Variants in PHLDB2 observed in about 807,000 individuals in gnomAD.
PHLDB2 encodes pleckstrin homology-like domain family B member 2.
Under a neutral mutation model 123.6 loss-of-function variants are expected in PHLDB2, and 71 were observed. The observed-to-expected ratio is 0.57, with a 90% CI of 0.47 to 0.70. PHLDB2 has a LOEUF of 0.70. Among genes scored for constraint, PHLDB2 ranks in the 30% least tolerant of loss-of-function variants. PHLDB2 has a pLI of 0.00. For synonymous variants in PHLDB2, 547 were observed against 541.6 expected (o/e 1.01, Z -0.14); for missense variants, 1,446 against 1,519.5 (o/e 0.95, Z 0.80).
chr3:111,807,728 C>G (rs1376077570), intron 1 of PHLDB2, among the ~76,000 whole-genome samples: 1 of 151,936 alleles, frequency 6.6e-6, no homozygotes, highest in African/African-American at 2.4e-5. Context: ...CACTGCACTA[C>G]AGCCTGGGCG....
At chr3:111,945,826 G>C (rs1369102698) in intron 9 of PHLDB2, among the ~76,000 whole-genome samples, 1 of 151,374 alleles carries the variant, frequency 6.6e-6, no homozygotes, top group Non-Finnish European at 1.5e-5. Flanking sequence ...CCCCACCCCC[G>C]CAACTGTTGT....
intron 1 of PHLDB2, among the ~76,000 whole-genome samples, chr3:111,874,677 A>G (rs187507770): frequency 7.9e-5 from 12 of 152,320 alleles, no homozygotes; most frequent in Non-Finnish European, 1.6e-4. Context: ...TGATCAAAGC[A>G]AGGGACATAG....
intron 11 of PHLDB2, among the ~76,000 whole-genome samples, chr3:111,953,520 G>A (rs768685909): frequency 3.3e-5 from 5 of 152,152 alleles, no homozygotes; most frequent in African/African-American, 4.8e-5. Context: ...TCAACCCACC[G>A]CATAACAGGG....
intron 1 of PHLDB2, among the ~76,000 whole-genome samples, chr3:111,769,662 A>G (rs1289306597): frequency 6.6e-6 from 1 of 152,244 alleles, no homozygotes; most frequent in Non-Finnish European, 1.5e-5. Context: ...TTCCAGGTCT[A>G]AAAGTGCACT....
intron 15 of PHLDB2, 69 bp from the exon 16 acceptor site, chr3:111,969,621 C>G (rs2072038630): frequency 3.1e-6 from 4 of 1,294,410 alleles, no homozygotes; most frequent in African/African-American, 3.0e-5. Context: ...ATTTCTGCTT[C>G]TAAACATCTG....
At chr3:111,781,047 C>A (rs2060455087) in intron 1 of PHLDB2, among the ~76,000 whole-genome samples, 1 of 151,992 alleles carries the variant, frequency 6.6e-6, no homozygotes, top group South Asian at 2.1e-4. Context: ...AGAATGTTTT[C>A]TTTTGCATTA....
At chr3:111,801,327 A>G (rs971642350) in intron 1 of PHLDB2, among the ~76,000 whole-genome samples, 1 of 152,136 alleles carries the variant, frequency 6.6e-6, no homozygotes, top group African/African-American at 2.4e-5. Flanking sequence ...TCCCTCCTCT[A>G]ATCTAAGTTT....
chr3:111,751,860 AAG>A, intron 1 of PHLDB2, among the ~76,000 whole-genome samples: 1 of 152,154 alleles, frequency 6.6e-6, no homozygotes, highest in South Asian at 2.1e-4. Context: ...TTTTTTAAAA[AAG>A]AGAGATTTTG....
chr3:111,795,381 C>T (rs1003918917), intron 1 of PHLDB2, among the ~76,000 whole-genome samples: 5 of 152,066 alleles, frequency 3.3e-5, no homozygotes, highest in African/African-American at 1.2e-4. Flanking sequence ...GACCTATGGT[C>T]CATTTGAATG....
rs778141959 is a variant in PHLDB2 at position 111,884,151 on chromosome 3, A to C, written c.74A>C (p.His25Pro). 1.2e-6 allele frequency: 2 copies of C among 1,614,208 alleles called. No homozygotes were observed. The highest frequency in any genetic ancestry group is 2.2e-5 in the East Asian group (1 of 44,880). ...NGSLEEDSVV[H>P]SVENDSQNMM... ...AGCTTAGAGGAAGACTCTGTGGTGCATTCTGTTGAGAACGATTCCCAAAAC... is the reference window on the plus strand; with the variant it reads ...AGCTTAGAGGAAGACTCTGTGGTGCCTTCTGTTGAGAACGATTCCCAAAAC... The change falls in exon 2 of 18, where the codon CAT (histidine) becomes CCT (proline). Residue 25 changes from histidine to proline, a missense_variant. His to Pro is a moderately conservative substitution (Grantham distance 77, BLOSUM62 -2). Transcript: ENST00000431670.
Position 111,913,469 on chromosome 3 carries a change from G to A in PHLDB2, c.1486G>A (p.Glu496Lys). Residue 496 changes from glutamate to lysine, a missense_variant, in exon 3 of 18, where the codon GAG (glutamate) becomes AAG (lysine). Physicochemically the swap from Glu to Lys is moderately conservative, Grantham distance 56 (BLOSUM62 1). Around this residue, in one of 3 missense-constraint regions of PHLDB2, gnomAD observed 832 missense variants for 831.9 expected, o/e 1.00. Coordinates refer to ENST00000431670, the MANE Select transcript of PHLDB2 (RefSeq NM_001134438.2). Reference protein sequence around the residue: ...LQLSDEESVFEEALMSPDTRY... With the variant: ...LQLSDEESVFKEALMSPDTRY... ...GCTCTCTGATGAGGAGTCTGTGTTT[G>A]AGGAAGCCCTCATGAGCCCTGACAC... 6.2e-7 allele frequency: 1 copy of A among 1,614,122 alleles called. No homozygotes were observed. Among genetic ancestry groups the A allele is most frequent in the Non-Finnish European group, 8.5e-7 (1 of 1,180,024 alleles).
intron 1 of PHLDB2, among the ~76,000 whole-genome samples, chr3:111,784,269 A>G (rs542282823): frequency 1.3e-5 from 2 of 152,308 alleles, no homozygotes; most frequent in Admixed American, 6.5e-5. Context: ...AGGAAACACA[A>G]ACAAGCAAAC....
At chr3:111,815,616 A>G (rs1333641995) in intron 1 of PHLDB2, among the ~76,000 whole-genome samples, 1 of 152,222 alleles carries the variant, frequency 6.6e-6, no homozygotes, top group African/African-American at 2.4e-5. Flanking sequence ...AGAAATTTCT[A>G]AGCAGCAAAG....
chr3:111,867,073 C>G (rs542870972), intron 1 of PHLDB2, among the ~76,000 whole-genome samples: 1 of 151,966 alleles, frequency 6.6e-6, no homozygotes, highest in East Asian at 1.9e-4. Flanking sequence ...ACTTAGCTAC[C>G]CCACATAACG....
intron 1 of PHLDB2, among the ~76,000 whole-genome samples, chr3:111,765,313 A>T (rs573455654): frequency 2.1e-4 from 32 of 152,332 alleles, no homozygotes; most frequent in Non-Finnish European, 4.0e-4. Flanking sequence ...AAGATCATGG[A>T]AAGTATTGAC....
chr3:111,952,763 A>G (rs780776636), intron 11 of PHLDB2, 51 bp downstream of exon 11: 4 of 1,582,976 alleles, frequency 2.5e-6, no homozygotes, highest in African/African-American at 1.4e-5. Flanking sequence ...TCTTCTTGTC[A>G]TTATATTCAC....
intron 2 of PHLDB2, 66 bp downstream of exon 2, chr3:111,885,478 G>C (rs1350747988): frequency 3.1e-6 from 5 of 1,595,134 alleles, no homozygotes; most frequent in Non-Finnish European, 4.3e-6. Context: ...GGGCAGCCTT[G>C]GAGATGGACT....
chr3:111,966,770 A>G (rs1409166663), intron 14 of PHLDB2, 67 bp downstream of exon 14: 10 of 1,202,826 alleles, frequency 8.3e-6, no homozygotes, highest in Admixed American at 1.9e-5. Flanking sequence ...GCTTGGCATC[A>G]GACAATACTC....
intron 1 of PHLDB2, among the ~76,000 whole-genome samples, chr3:111,807,658 C>A (rs1242983920): frequency 2.0e-5 from 3 of 152,246 alleles, no homozygotes; most frequent in East Asian, 1.9e-4. Flanking sequence ...ACTCAGGAAG[C>A]TGAGGCTGAA....
Sources: allele counts gnomAD v4.1 joint callset (sites outside exome capture counted in the v4.1 genomes callset), GRCh38; gene constraint gnomAD v4.1.1; regional missense constraint gnomAD v4.1.1; transcripts MANE v1.5; gene names NCBI Gene and HGNC (gene_info 2026-07-23, HGNC 2026-07-21).